Variants in NTN1 observed in about 807,000 individuals in gnomAD.
NTN1 encodes the protein netrin-1.
NTN1 carries 11 observed loss-of-function variants against 54.2 expected under a neutral mutation model. The observed-to-expected ratio is 0.20, with a 90% CI of 0.13 to 0.34. The LOEUF (loss-of-function observed/expected upper bound fraction) is 0.34, where lower values mean the gene tolerates loss of function less well. NTN1 is among the 10% of genes least tolerant of loss of function. The pLI is 1.00. For missense variants in NTN1, 740 were observed against 893.1 expected, an observed-to-expected ratio of 0.83 and a Z score of 2.18; for synonymous variants, 371 against 382.0, an observed-to-expected ratio of 0.97 and a Z score of 0.33.
At chr17:9,005,085 AC>A in the NTN1 span, among the ~76,000 whole-genome samples, 1 of 151,856 alleles carries the variant, frequency 6.6e-6, no homozygotes, top group African/African-American at 2.4e-5. Flanking sequence ...CGCTCCCACC[AC>A]TGACCACCAA....
At chr17:9,068,966 C>G (rs1220583435) in intron 2 of NTN1, among the ~76,000 whole-genome samples, 1 of 152,126 alleles carries the variant, frequency 6.6e-6, no homozygotes, top group African/African-American at 2.4e-5. Flanking sequence ...ACCCACGGCT[C>G]TCTTCCCAGC....
the NTN1 span, among the ~76,000 whole-genome samples, chr17:9,011,541 A>G: frequency 2.0e-5 from 3 of 152,260 alleles, no homozygotes; most frequent in Non-Finnish European, 2.9e-5. Context: ...TTTTACACCC[A>G]TATAAGGTAA....
rs181691279 is a variant in NTN1, at chr17:9,211,495, C to T, written c.1412-9673C>T. ...GTGATGCCACCCACTGCTCCATTAG[C>T]CTTGGGGATCACCCAGTGCCTCCCA... is the stretch of plus-strand genomic sequence containing the variant. On this transcript the variant is annotated intron_variant, in intron 5 of 6. Transcript: ENST00000173229. The surrounding 1 kb of genome is among the most constrained non-coding windows in gnomAD (Gnocchi z 4.4). Among the ~76,000 whole-genome samples, 5 of 152,328 alleles carry T rather than the reference C, an allele frequency of 3.3e-5. No individual in the cohort carries two copies. The East Asian group carries it at 9.6e-4, about 29-fold the overall frequency.
At chr17:9,179,640 A>G (rs79991387) in intron 3 of NTN1, among the ~76,000 whole-genome samples, 167 bp from the exon 4 acceptor site, 1,909 of 152,266 alleles carry the variant, frequency 0.013, 16 homozygotes, top group Non-Finnish European at 0.02. Flanking sequence ...GTGGGTGGCC[A>G]GTGTCAGAGC....
chr17:9,152,967 A>G lies in NTN1; in HGVS notation c.1019-9846A>G, dbSNP rs1431382263. On this transcript the variant is annotated intron_variant, in intron 2 of 6. Coordinates refer to ENST00000173229, the MANE Select transcript of NTN1 (RefSeq NM_004822.3). ...CCATTGTGTTTGATCTTGGTTAGTA[A>G]TAGTGACACTCCAGGGGGCGGCCAG... Among the ~76,000 whole-genome samples the G allele has an allele frequency of 2.6e-5, 4 of 152,034 alleles. No homozygotes were observed. The East Asian group carries it at 7.7e-4, about 29-fold the overall frequency.
intron 5 of NTN1, among the ~76,000 whole-genome samples, chr17:9,202,944 T>C (rs1165744780): frequency 2.0e-5 from 3 of 152,156 alleles, no homozygotes; most frequent in Admixed American, 1.3e-4. Flanking sequence ...TTTTTTGAGA[T>C]GGAGTCTCTC....
rs1380057739 is a variant in NTN1, at chr17:9,242,158, G to T, written c.*2190G>T. 1.3e-5 allele frequency: 2 copies of T among 152,548 alleles called. No homozygotes were observed. The highest frequency in any genetic ancestry group is 4.8e-5 in the African/African-American group (2 of 41,462). The allele number at this position is 152,548 out of a possible 1,614,324, so 9.4% of individuals were successfully genotyped here. A position where few individuals can be genotyped will look rare whatever the true frequency, so the allele number is the denominator to read the frequency against. ...GGATGCTCCGAAGAGGTGGTAGAAA[G>T]GTGTTTTTAGAAAGGTGTTTTGGCT... On this transcript the variant is annotated 3_prime_UTR_variant, in exon 7 of 7. Coordinates refer to ENST00000173229, the MANE Select transcript of NTN1 (RefSeq NM_004822.3).
At chr17:9,183,368 C>T in intron 5 of NTN1, 1 of 493,038 alleles carries the variant, frequency 2.0e-6, no homozygotes, top group Non-Finnish European at 4.1e-6. Context: ...GTCGCACAAG[C>T]AGAATGCAGG....
rs910910839 is a variant in NTN1, at chr17:9,138,622, T to C, written c.1019-24191T>C. 5.3e-5 allele frequency among the ~76,000 whole-genome samples: 8 copies of C among 151,960 alleles called. 1 individual carries two copies. Among genetic ancestry groups the C allele is most frequent in the Admixed American group, 3.9e-4 (6 of 15,264 alleles). On this transcript the variant is annotated intron_variant, in intron 2 of 6. Transcript: ENST00000173229. ...GTCCATCAATCCGTCTGCACCTACT[T>C]ATTGGGTGTGCTGACAGCCGCGTGC... is the stretch of plus-strand genomic sequence containing the variant.
rs1555576114 is a variant in NTN1 at position 9,204,193 on chromosome 17, C to CCTTCCTTCCTTCCTTCCTTCCT, written c.1412-16975_1412-16974insCTTCCTTCCTTCCTTCCTTCCT. 1.3e-4 allele frequency among the ~76,000 whole-genome samples: 19 copies of CCTTCCTTCCTTCCTTCCTTCCT among 147,154 alleles called. No homozygotes were observed. In the East Asian group the frequency reaches 1.6e-3, roughly 13 times the overall value. On this transcript the variant is annotated intron_variant, in intron 5 of 6. Coordinates refer to ENST00000173229, the MANE Select transcript of NTN1 (RefSeq NM_004822.3). The stretch of plus-strand genomic sequence containing the variant: ...TAGTAACCGTTCCTTCCTTCCTTCC[C>CCTTCCTTCCTTCCTTCCTTCCT]TCCTTCCTTCCTTCCTTCCTTCCTT...
rs1905358924 is a variant in NTN1, at chr17:9,221,654, C to A, written c.1486+412C>A. On this transcript the variant is annotated intron_variant, in intron 6 of 6. Coordinates refer to ENST00000173229, the MANE Select transcript of NTN1 (RefSeq NM_004822.3). This position sits in a 1 kb window ranked among gnomAD's most constrained non-coding sequence, Gnocchi z 4.5. The stretch of plus-strand genomic sequence containing the variant: ...GGGCATCAGACAAGGGCTGGGAGCT[C>A]CCCGGTGCATTTCCAGTGTTCCGCC... Among the ~76,000 whole-genome samples, 1 of 152,214 alleles carries A rather than the reference C, an allele frequency of 6.6e-6. No homozygotes were observed.
chr17:9,230,563 C>T (rs756033565), intron 6 of NTN1, among the ~76,000 whole-genome samples: 10 of 152,116 alleles, frequency 6.6e-5, no homozygotes, highest in Non-Finnish European at 1.0e-4. Flanking sequence ...GAAGGCCAGT[C>T]GGTCCCCATG....
intron 2 of NTN1, among the ~76,000 whole-genome samples, chr17:9,032,529 C>T (rs903166984): frequency 6.6e-5 from 10 of 152,176 alleles, no homozygotes; most frequent in East Asian, 1.9e-4. Context: ...TATTGAGGGA[C>T]GAGGACTCAT....
rs201736911 is a variant in NTN1, at chr17:9,022,984, C to G, written c.611C>G (p.Thr204Ser). Residue 204 changes from threonine (T) to serine (S), a missense_variant, in exon 2 of 7, where the codon ACC (threonine) becomes AGC (serine). Physicochemically the swap from Thr to Ser is moderately conservative, Grantham distance 58. Transcript: ENST00000173229. ...TKQNEQEAVC[T>S]DSHTDMRPLS... The stretch of plus-strand genomic sequence containing the variant: ...CAGAACGAGCAGGAGGCCGTGTGCA[C>G]CGACTCGCACACCGACATGCGCCCG... The G allele has an allele frequency of 2.4e-4, 389 of 1,610,330 alleles. No homozygotes were observed. The highest frequency in any genetic ancestry group is 1.7e-3 in the Middle Eastern group (10 of 6,058).
chr17:9,226,377 C>T (rs1479973992), intron 6 of NTN1, among the ~76,000 whole-genome samples: 2 of 151,896 alleles, frequency 1.3e-5, no homozygotes, highest in South Asian at 2.1e-4. Flanking sequence ...GTGCCCCCCG[C>T]CCACAGCAGG....
chr17:9,188,185 A>G (rs1597527439), intron 5 of NTN1, among the ~76,000 whole-genome samples: 1 of 152,262 alleles, frequency 6.6e-6, no homozygotes, highest in Non-Finnish European at 1.5e-5. Context: ...TCCCGGCACT[A>G]TGGGAGGCCA....
chr17:9,077,609 A>G (rs2092055384), intron 2 of NTN1, among the ~76,000 whole-genome samples: 2 of 152,244 alleles, frequency 1.3e-5, no homozygotes, highest in South Asian at 4.1e-4. Flanking sequence ...GAATAATAAT[A>G]ACAACAAATA....
intron 2 of NTN1, among the ~76,000 whole-genome samples, chr17:9,108,702 C>T (rs1444493851): frequency 1.3e-5 from 2 of 152,190 alleles, no homozygotes; most frequent in Non-Finnish European, 2.9e-5. Context: ...CTTCAAGGCT[C>T]TGGCGCCACC....
chr17:9,007,068 C>T, the NTN1 span, among the ~76,000 whole-genome samples: 5 of 152,240 alleles, frequency 3.3e-5, no homozygotes, highest in African/African-American at 9.6e-5. Flanking sequence ...GTTATAATTA[C>T]GAGTACAATT....
Sources: allele counts gnomAD v4.1 joint callset (sites outside exome capture counted in the v4.1 genomes callset), GRCh38; gene constraint gnomAD v4.1.1; non-coding constraint Gnocchi (gnomAD v3.1); transcripts MANE v1.5; gene names NCBI Gene and HGNC (gene_info 2026-07-23, HGNC 2026-07-21).